The following TLR10 variants were observed in gnomAD, a reference collection of about 807,000 sequenced individuals.
TLR10 encodes the protein toll like receptor 10.
For missense variants in TLR10, 929 were observed against 932.9 expected (o/e 1.00, Z 0.05); for synonymous variants, 288 against 338.8 (o/e 0.85, Z 1.65).
chr4:38,774,378 T>C lies in TLR10; in HGVS notation c.1213A>G (p.Ser405Gly). Reference protein sequence around the residue: ...NNTPLEHLDLSQNLLQHKNDE... With the variant: ...NNTPLEHLDLGQNLLQHKNDE... ...TTTTTATGTTGTAATAGATTTTGAC[T>C]CAGATCCAAGTGTTCCAAGGGTGTG... The change falls in exon 4 of 4, where the codon AGT (serine) becomes GGT (glycine). Residue 405 changes from serine to glycine, a missense_variant. Physicochemically the swap from Ser to Gly is moderately conservative, Grantham distance 56 (BLOSUM62 0). Coordinates refer to ENST00000308973, the MANE Select transcript of TLR10 (RefSeq NM_030956.4). 12 of 1,613,098 alleles carry C rather than the reference T, an allele frequency of 7.4e-6. No individual in the cohort carries two copies. Among genetic ancestry groups the C allele is most frequent in the Non-Finnish European group, 1.0e-5 (12 of 1,179,672 alleles).
In TLR10 at chr4:38,775,574, T is replaced by A. The variant is rs750838763; in HGVS notation, c.17A>T (p.Asn6Ile). ...AACAATACTACAAAATATGTAAATGTTTCTGATGAGTCTCATTGTATTTCC... is the reference window on the plus strand; with the variant it reads ...AACAATACTACAAAATATGTAAATGATTCTGATGAGTCTCATTGTATTTCC... MRLIR[N>I]IYIFCSIVMT... Residue 6 changes from asparagine (N) to isoleucine (I), a missense_variant, in exon 4 of 4, where the codon AAC becomes ATC. Transcript: ENST00000308973. The A allele has an allele frequency of 6.2e-7, 1 of 1,607,266 alleles. No individual in the cohort carries two copies. The highest frequency in any genetic ancestry group is 8.5e-7 in the Non-Finnish European group (1 of 1,176,386).
chr4:38,778,737 AC>A (rs1284972450), intron 1 of TLR10, among the ~76,000 whole-genome samples: 1 of 151,874 alleles, frequency 6.6e-6, no homozygotes, highest in African/African-American at 2.4e-5. Flanking sequence ...TTGACCCTCA[AC>A]CTCCCTCAGA....
Position 38,773,422 on chromosome 4 carries a change from A to T in TLR10, c.2169T>A (p.Asp723Glu), listed in dbSNP as rs747963911. 1.7e-5 allele frequency: 27 copies of T among 1,612,648 alleles called. No individual in the cohort carries two copies. Among genetic ancestry groups the T allele is most frequent in the Admixed American group, 8.4e-5 (5 of 59,772 alleles). The change falls in exon 4 of 4, where the codon GAT (aspartate) becomes GAA (glutamate). Residue 723 changes from aspartate (D) to glutamate (E), a missense_variant. Asp to Glu is a conservative substitution (Grantham distance 45). Coordinates refer to ENST00000308973, the MANE Select transcript of TLR10 (RefSeq NM_030956.4). ...GTTCCAGTAAGATAAGAATTATATG[A>T]TCAGAATTTTCATGGAAGAGATTGT... ...AHHNLFHENSDHIILILLEPI... is the reference protein window; with the variant it reads ...AHHNLFHENSEHIILILLEPI...
At position 38,774,013 on chromosome 4, in the gene TLR10, A is replaced by G. The variant is rs1724843880; in HGVS notation, c.1578T>C (p.Cys526=). The G allele has an allele frequency of 6.2e-7, 1 of 1,604,080 alleles. No individual in the cohort carries two copies. Among genetic ancestry groups the G allele is most frequent in the Admixed American group, 1.7e-5 (1 of 58,414 alleles). Residue 526 remains cysteine, a synonymous_variant, in exon 4 of 4, where the codon TGT becomes TGC. Coordinates refer to ENST00000308973, the MANE Select transcript of TLR10 (RefSeq NM_030956.4). ...TLNAGRNPFR[C]TCELKNFIQL... is the part of the protein sequence containing the mutation. ...GAATGAAATTTTTTAATTCACAGGT[A>G]CACCGGAATGGATTTCTTCCCGCAT...
rs1254728766 is a variant in TLR10, at chr4:38,775,084, A to G, written c.507T>C (p.Thr169=). 2 of 1,612,954 alleles carry G rather than the reference A, an allele frequency of 1.2e-6. No individual in the cohort carries two copies. The highest frequency in any genetic ancestry group is 1.7e-6 in the Non-Finnish European group (2 of 1,179,988). The change falls in exon 4 of 4, where the codon ACT becomes ACC. Residue 169 remains threonine, a synonymous_variant. Transcript: ENST00000308973. ...GAAGAGTTCTGAATCCTAAGAAGAC[A>G]GTATTTAGATGCAGATGAGCAATTT... is the stretch of plus-strand genomic sequence containing the variant. ...FQKIAHLHLN[T]VFLGFRTLPH...
rs904611480 is a variant in TLR10, at chr4:38,776,307, T to C, written c.-449A>G. On this transcript the variant is annotated 5_prime_UTR_variant, in exon 2 of 4. Transcript: ENST00000308973. ...ATGGTGTTAGTCATTAAAAGAAAGATCTAAATGTCTGAAACCTGCCAGTGA... is the reference window on the plus strand; with the variant it reads ...ATGGTGTTAGTCATTAAAAGAAAGACCTAAATGTCTGAAACCTGCCAGTGA... 8 of 215,652 alleles carry C rather than the reference T, an allele frequency of 3.7e-5. No individual in the cohort carries two copies. The Middle Eastern group carries it at 2.5e-3, about 67-fold the overall frequency. 13.4% of individuals were successfully genotyped at this position (215,652 alleles called of 1,614,324 possible).
At position 38,774,633 on chromosome 4, in the gene TLR10, A is replaced by C. The variant is rs765754385; in HGVS notation, c.958T>G (p.Tyr320Asp). ...ATGTCCATTTTGGTCAAAAGCAAAT[A>C]GATTTTATCCTGTTGAATGTAAAAC... ...RVFYIQQDKI[Y>D]LLLTKMDIEN... Residue 320 changes from tyrosine (Y) to aspartate (D), a missense_variant, in exon 4 of 4, where the codon TAT becomes GAT. Transcript: ENST00000308973. The C allele has an allele frequency of 3.8e-6, 6 of 1,579,520 alleles. No homozygotes were observed. In the African/African-American group the frequency reaches 6.8e-5, roughly 18 times the overall value.
chr4:38,781,082 T>C (rs886561247), intron 1 of TLR10, among the ~76,000 whole-genome samples: 3 of 152,180 alleles, frequency 2.0e-5, no homozygotes, highest in Non-Finnish European at 2.9e-5. Flanking sequence ...GGGACTACAA[T>C]GGGAGAGGAA....
In TLR10 at chr4:38,775,123, T is replaced by G. The variant is rs2109309391; in HGVS notation, c.468A>C (p.Lys156Asn). 2 of 1,613,536 alleles carry G rather than the reference T, an allele frequency of 1.2e-6. No individual in the cohort carries two copies. Among genetic ancestry groups the G allele is most frequent in the East Asian group, 4.5e-5 (2 of 44,876 alleles). The change falls in exon 4 of 4, where the codon AAA becomes AAC. Residue 156 changes from lysine to asparagine, a missense_variant. Transcript: ENST00000308973. ...ILGLSGAKIQ[K>N]SDFQKIAHLH... ...GATGAGCAATTTTCTGGAAATCTGA[T>G]TTTTGTATTTTTGCCCCACTCAAAC...
rs529846468 is a variant in TLR10 at position 38,773,306 on chromosome 4, C to T, written c.2285G>A (p.Arg762His). Residue 762 changes from arginine to histidine, a missense_variant, in exon 4 of 4, where the codon CGT (arginine) becomes CAT (histidine). Arg to His is a conservative substitution (Grantham distance 29, BLOSUM62 0). Transcript: ENST00000308973. ...KAYLEWPKDRRKCGLFWANLR... is the reference protein window; with the variant it reads ...KAYLEWPKDRHKCGLFWANLR... ...GTTTGCCCAGAAAAGCCCACATTTA[C>T]GCCTATCCTTGGGCCATTCCAAGTA... 129 of 1,613,210 alleles carry T rather than the reference C, an allele frequency of 8.0e-5. No individual in the cohort carries two copies. Among genetic ancestry groups the T allele is most frequent in the African/African-American group, 1.7e-4 (13 of 74,962 alleles).
chr4:38,774,811 GA>G lies in TLR10; in HGVS notation c.779del (p.Phe260SerfsTer20). 1 of 1,596,114 alleles carries G rather than the reference GA, an allele frequency of 6.3e-7. No homozygotes were observed. The highest frequency in any genetic ancestry group is 8.5e-7 in the Non-Finnish European group (1 of 1,173,336). ...TATGCCAAACAAATTGTAAGATAAG[GA>G]AAAGGTCGTCCCAGAGTAAATCAAC... ...NKVDLLWDDL[F>X]LILQFVWHTS... On this transcript the variant is annotated frameshift_variant, in exon 4 of 4. Transcript: ENST00000308973. LOFTEE classifies it low-confidence loss of function (END_TRUNC).
chr4:38,780,703 T>C (rs1725353225), intron 1 of TLR10, among the ~76,000 whole-genome samples: 1 of 152,194 alleles, frequency 6.6e-6, no homozygotes, highest in Admixed American at 6.5e-5. Flanking sequence ...GTAATCAAGA[T>C]AATGTTTACA....
chr4:38,774,454 C>CA lies in TLR10; in HGVS notation c.1136dup (p.Leu379PhefsTer5). ...AAAGTGTCTCCAGTTTATTGCCATT[C>CA]AAAATGAGAGTTTTCAAGTGAGGCA... On this transcript the variant is annotated frameshift_variant, in exon 4 of 4. Coordinates refer to ENST00000308973, the MANE Select transcript of TLR10 (RefSeq NM_030956.4). LOFTEE classifies it low-confidence loss of function (END_TRUNC). 6.2e-7 allele frequency: 1 copy of CA among 1,611,424 alleles called. No individual in the cohort carries two copies. The highest frequency in any genetic ancestry group is 8.5e-7 in the Non-Finnish European group (1 of 1,179,254).
Position 38,773,214 on chromosome 4 carries a change from C to T in TLR10, c.2377G>A (p.Glu793Lys). The T allele has an allele frequency of 6.3e-7, 1 of 1,581,220 alleles. No individual in the cohort carries two copies. Among genetic ancestry groups the T allele is most frequent in the Non-Finnish European group, 8.6e-7 (1 of 1,167,506 alleles). Residue 793 changes from glutamate to lysine, a missense_variant, in exon 4 of 4, where the codon GAG becomes AAG. Coordinates refer to ENST00000308973, the MANE Select transcript of TLR10 (RefSeq NM_030956.4). Reference protein sequence around the residue: ...REMYELQTFTELNEESRGSTI... With the variant: ...REMYELQTFTKLNEESRGSTI... ...GAACCTCGAGACTCTTCATTTAACT[C>T]TGTGAATGTCTGCAGTTCATACATT...
Position 38,774,349 on chromosome 4 carries a change from A to G in TLR10, c.1242T>C (p.Asp414=). 6.2e-7 allele frequency: 1 copy of G among 1,611,836 alleles called. No homozygotes were observed. Among genetic ancestry groups the G allele is most frequent in the South Asian group, 1.1e-5 (1 of 90,482 alleles). ...LSQNLLQHKN[D]ENCSWPETVV... The stretch of plus-strand genomic sequence containing the variant: ...CAGTTTCTGGCCATGAGCAATTTTC[A>G]TCATTTTTATGTTGTAATAGATTTT... Residue 414 remains aspartate, a synonymous_variant, in exon 4 of 4, where the codon GAT becomes GAC. Coordinates refer to ENST00000308973, the MANE Select transcript of TLR10 (RefSeq NM_030956.4).
chr4:38,776,319 A>C lies in TLR10; in HGVS notation c.-461T>G. On this transcript the variant is annotated 5_prime_UTR_variant, in exon 2 of 4. Coordinates refer to ENST00000308973, the MANE Select transcript of TLR10 (RefSeq NM_030956.4). ...ATTAAAAGAAAGATCTAAATGTCTG[A>C]AACCTGCCAGTGAATACCAAGCCAC... is the stretch of plus-strand genomic sequence containing the variant. The C allele has an allele frequency of 4.7e-6, 1 of 210,792 alleles. No individual in the cohort carries two copies. Among genetic ancestry groups the C allele is most frequent in the Middle Eastern group, 5.0e-4 (1 of 1,984 alleles). 13.1% of individuals were successfully genotyped at this position (210,792 alleles called of 1,614,324 possible). A position where few individuals can be genotyped will look rare whatever the true frequency, so the allele number is the denominator to read the frequency against.
rs747972494 is a variant in TLR10, at chr4:38,774,714, C to G, written c.877G>C (p.Asp293His). 1 of 1,581,042 alleles carries G rather than the reference C, an allele frequency of 6.3e-7. No homozygotes were observed. The highest frequency in any genetic ancestry group is 1.2e-5 in the South Asian group (1 of 84,690). Residue 293 changes from aspartate to histidine, a missense_variant, in exon 4 of 4, where the codon GAC (aspartate) becomes CAC (histidine). Asp to His is a moderately conservative substitution (Grantham distance 81, BLOSUM62 -1). Transcript: ENST00000308973. ...GKAYLDHNSF[D>H]YSNTVMRTIK... is the part of the protein sequence containing the mutation. ...GTTCTCATTACAGTATTTGAGTAGT[C>G]AAATGAATTGTGGTCAAGATAAGCC...
chr4:38,775,283 A>C lies in TLR10; in HGVS notation c.308T>G (p.Leu103Trp), dbSNP rs192727806. Residue 103 changes from leucine (L) to tryptophan (W), a missense_variant, in exon 4 of 4, where the codon TTG becomes TGG. Physicochemically the swap from Leu to Trp is moderately conservative, Grantham distance 61 (BLOSUM62 -2). Coordinates refer to ENST00000308973, the MANE Select transcript of TLR10 (RefSeq NM_030956.4). ...EFNKELRYLDLSNNRLKSVTW... is the reference protein window; with the variant it reads ...EFNKELRYLDWSNNRLKSVTW... ...TACACTCTTCAGTCTGTTATTAGAC[A>C]AATCTAAATATCTTAACTCCTTGTT... 3.1e-5 allele frequency: 50 copies of C among 1,614,104 alleles called. No individual in the cohort carries two copies. In the African/African-American group the frequency reaches 6.0e-4, roughly 19 times the overall value.
In TLR10 at chr4:38,774,249, G is replaced by GT. The variant is rs1309179509; in HGVS notation, c.1341dup (p.Leu448ThrfsTer2). ...TGGATTTGGTTATTATTTAGGTCAA[G>GT]TATTTGAATACTTTTGGGCAAGCAC... On this transcript the variant is annotated frameshift_variant, in exon 4 of 4. Coordinates refer to ENST00000308973, the MANE Select transcript of TLR10 (RefSeq NM_030956.4). LOFTEE classifies it low-confidence loss of function (END_TRUNC). 2.5e-6 allele frequency: 4 copies of GT among 1,613,844 alleles called. No individual in the cohort carries two copies. Among genetic ancestry groups the GT allele is most frequent in the Non-Finnish European group, 3.4e-6 (4 of 1,180,014 alleles).
Sources: gnomAD v4.1 joint callset for allele counts (sites outside exome capture counted in the v4.1 genomes callset) on GRCh38, gnomAD v4.1.1 for gene constraint, MANE v1.5 for transcripts, NCBI Gene and HGNC (gene_info 2026-07-23, HGNC 2026-07-21) for gene names.